BCR: variants seen among roughly 807,000 people sequenced by gnomAD.
The protein encoded by BCR is breakpoint cluster region protein.
A neutral mutation model predicts 138.6 loss-of-function variants in BCR; 58 were observed. That is an observed-to-expected ratio of 0.42 (90% CI 0.34 to 0.52). The LOEUF (loss-of-function observed/expected upper bound fraction) is 0.52. BCR is among the 20% of genes least tolerant of loss of function. The pLI is 0.06. For missense variants in BCR, 1,599 were observed against 1,727.2 expected, an observed-to-expected ratio of 0.93 and a Z score of 1.32; for synonymous variants, 786 against 730.1, an observed-to-expected ratio of 1.08 and a Z score of -1.23.
chr22:23,255,361 G>A lies in BCR; in HGVS notation c.1461+1381G>A, dbSNP rs770765026. On this transcript the variant is annotated intron_variant, in intron 2 of 22. Coordinates refer to ENST00000305877, the MANE Select transcript of BCR (RefSeq NM_004327.4). The stretch of plus-strand genomic sequence containing the variant: ...TCAGCTTTTTACAGACTAGGAGGCC[G>A]AGGTTCAGAGAGGTGAAGTAACTTG... 2.6e-5 allele frequency among the ~76,000 whole-genome samples: 4 copies of A among 152,134 alleles called. No individual in the cohort carries two copies. The South Asian group carries it at 6.2e-4, about 24-fold the overall frequency.
intron 1 of BCR, among the ~76,000 whole-genome samples, chr22:23,202,972 C>T (rs981924177): frequency 6.6e-6 from 1 of 152,128 alleles, no homozygotes; most frequent in Non-Finnish European, 1.5e-5. Context: ...ATCCTCCCAC[C>T]TCAGCCTCCT....
At chr22:23,270,637 A>G (rs933541159) in intron 5 of BCR, among the ~76,000 whole-genome samples, 12 of 152,228 alleles carry the variant, frequency 7.9e-5, no homozygotes, top group African/African-American at 2.9e-4. Flanking sequence ...TGAGCTGGAA[A>G]ACACTTTCGT....
intron 15 of BCR, among the ~76,000 whole-genome samples, chr22:23,293,452 C>A (rs977453444): frequency 7.9e-5 from 12 of 152,160 alleles, no homozygotes; most frequent in African/African-American, 2.9e-4. Flanking sequence ...TCATTTTAGA[C>A]ATGTTGCTTG....
intron 10 of BCR, 71 bp from the exon 11 acceptor site, chr22:23,287,088 G>T (rs891435628): frequency 1.3e-6 from 2 of 1,550,760 alleles, no homozygotes. Flanking sequence ...TGGTGGTGGG[G>T]ATGGATGGAA....
At chr22:23,213,881 C>G (rs992593385) in intron 1 of BCR, among the ~76,000 whole-genome samples, 15 of 151,772 alleles carry the variant, frequency 9.9e-5, no homozygotes, top group Non-Finnish European at 1.9e-4. Context: ...ACAGTACTCC[C>G]AGTTATCATT....
At chr22:23,237,777 A>G (rs1267733911) in intron 1 of BCR, among the ~76,000 whole-genome samples, 2 of 152,218 alleles carry the variant, frequency 1.3e-5, no homozygotes, top group Non-Finnish European at 1.5e-5. Flanking sequence ...CCAGATTGCC[A>G]TGCTAGGGTC....
intron 1 of BCR, among the ~76,000 whole-genome samples, chr22:23,218,291 G>C (rs2072780897): frequency 6.6e-6 from 1 of 152,190 alleles, no homozygotes; most frequent in South Asian, 2.1e-4. Flanking sequence ...GAGGTGACCC[G>C]GGACAGTGCC....
chr22:23,281,937 C>G (rs188979773), intron 8 of BCR, among the ~76,000 whole-genome samples: 1 of 152,206 alleles, frequency 6.6e-6, no homozygotes, highest in African/African-American at 2.4e-5. Flanking sequence ...GAGGGAGCTG[C>G]GTTTCTTGAC....
At chr22:23,245,200 A>G (rs5751612) in intron 1 of BCR, among the ~76,000 whole-genome samples, 1 of 152,040 alleles carries the variant, frequency 6.6e-6, no homozygotes, top group Non-Finnish European at 1.5e-5. Flanking sequence ...AGTTGTAAAT[A>G]CCTGTTTCTC....
Position 23,189,847 on chromosome 22 carries a change from C to T in BCR, c.1279+7608C>T, listed in dbSNP as rs150187565. On this transcript the variant is annotated intron_variant, in intron 1 of 22. Transcript: ENST00000305877. ...GAGTTAACTCCCAGCTCTGATCCGT[C>T]ACAAGGGTGTTCTCTTCCGGAAAAC... 8.2e-3 allele frequency among the ~76,000 whole-genome samples: 1,249 copies of T among 152,296 alleles called. 19 individuals are homozygous for T. Among genetic ancestry groups the T allele is most frequent in the African/African-American group, 0.029 (1,197 of 41,564 alleles).
chr22:23,293,162 T>C (rs1016974719), intron 15 of BCR, among the ~76,000 whole-genome samples: 1 of 151,558 alleles, frequency 6.6e-6, no homozygotes, highest in South Asian at 2.1e-4. Flanking sequence ...CCTTCGGGAG[T>C]AGGGGAATGA....
intron 1 of BCR, among the ~76,000 whole-genome samples, chr22:23,246,292 A>G (rs2073156397): frequency 1.3e-5 from 2 of 152,172 alleles, no homozygotes; most frequent in Admixed American, 6.5e-5. Context: ...TTTTAGCTGG[A>G]CATAATGGCA....
rs971543503 is a variant in BCR, at chr22:23,269,208, C to G, written c.1860+693C>G. On this transcript the variant is annotated intron_variant, in intron 5 of 22. Coordinates refer to ENST00000305877, the MANE Select transcript of BCR (RefSeq NM_004327.4). ...CAGCCAGAACCAGAACCCAGCCACA[C>G]CCCTGGGTCTGCACTCCAGACTGGG... Among the ~76,000 whole-genome samples, 6 of 152,266 alleles carry G rather than the reference C, an allele frequency of 3.9e-5. 1 individual carries two copies. The highest frequency in any genetic ancestry group is 2.1e-4 in the South Asian group (1 of 4,838).
At chr22:23,225,011 GC>G (rs2072872523) in intron 1 of BCR, among the ~76,000 whole-genome samples, 1 of 151,950 alleles carries the variant, frequency 6.6e-6, no homozygotes, top group Non-Finnish European at 1.5e-5. Flanking sequence ...CCGAGACCCG[GC>G]ATTTGGAGCA....
chr22:23,264,217 G>A lies in BCR; in HGVS notation c.1752+2677G>A, dbSNP rs1327692367. 1.1e-5 allele frequency: 12 copies of A among 1,103,150 alleles called. No homozygotes were observed. In the East Asian group the frequency reaches 1.2e-4, roughly 11 times the overall value. 68.3% of individuals were successfully genotyped at this position (1,103,150 alleles called of 1,614,324 possible). On this transcript the variant is annotated intron_variant, in intron 4 of 22. Coordinates refer to ENST00000305877, the MANE Select transcript of BCR (RefSeq NM_004327.4). ...TATAGCGTTGTACGGCTGTGGGACC[G>A]GCACCAAAGGGCCTGCCCGCACACC...
At chr22:23,259,447 G>T (rs547261604) in intron 2 of BCR, among the ~76,000 whole-genome samples, 5 of 152,174 alleles carry the variant, frequency 3.3e-5, no homozygotes, top group African/African-American at 1.2e-4. Context: ...TAGAAGGACC[G>T]CTTGAGCTCA....
intron 16 of BCR, among the ~76,000 whole-genome samples, chr22:23,304,369 CT>C (rs2146321834): frequency 6.6e-6 from 1 of 152,264 alleles, no homozygotes; most frequent in East Asian, 1.9e-4. Context: ...ATTTCCTCCA[CT>C]TACCATTATG....
chr22:23,317,143 A>G lies in BCR; in HGVS notation c.*1621A>G, dbSNP rs867145606. The G allele has an allele frequency of 6.7e-3, 1,272 of 191,222 alleles. 18 individuals carry two copies. The highest frequency in any genetic ancestry group is 0.021 in the African/African-American group (815 of 38,182). 11.8% of individuals were successfully genotyped at this position (191,222 alleles called of 1,614,324 possible). ...TGTGTCAGTGGGCAGCTCCTGCTGA[A>G]CCCGCAGCTCACTAGGGAGCCTGAC... On this transcript the variant is annotated 3_prime_UTR_variant, in exon 23 of 23. Transcript: ENST00000305877.
intron 1 of BCR, among the ~76,000 whole-genome samples, chr22:23,184,216 G>A (rs2072309264): frequency 6.6e-6 from 1 of 152,078 alleles, no homozygotes; most frequent in South Asian, 2.1e-4. Context: ...CTTTTCAGCA[G>A]CTGGGACTGC....
Sources: gnomAD v4.1 joint callset for allele counts (sites outside exome capture counted in the v4.1 genomes callset) on GRCh38, gnomAD v4.1.1 for gene constraint, MANE v1.5 for transcripts, NCBI Gene and HGNC (gene_info 2026-07-23, HGNC 2026-07-21) for gene names.